Variants in STRADA observed in about 807,000 individuals in gnomAD.
STRADA encodes STE20 related adaptor alpha, also known as STE20-related kinase adapter protein alpha.
A neutral mutation model predicts 55.0 loss-of-function variants in STRADA; 26 were observed. The observed-to-expected ratio is 0.47, with a 90% CI of 0.35 to 0.66. The LOEUF is 0.66. STRADA is among the 30% of genes least tolerant of loss of function. The probability of loss-of-function intolerance (pLI) is 0.01; values close to 1 mark genes in which losing one functional copy is unlikely to be tolerated. For synonymous variants in STRADA, 197 were observed against 210.9 expected (o/e 0.93, Z 0.57); for missense variants, 443 against 549.7 (o/e 0.81, Z 1.94).
At chr17:63,726,012 T>C (rs939891520) in intron 3 of STRADA, 6 of 152,316 alleles carry the variant, frequency 3.9e-5, no homozygotes, top group African/African-American at 1.4e-4. Context: ...AAGAGTATCT[T>C]AGAATTCAGA....
chr17:63,725,274 A>T (rs890689096), intron 3 of STRADA, among the ~76,000 whole-genome samples: 4 of 152,096 alleles, frequency 2.6e-5, no homozygotes, highest in Non-Finnish European at 5.9e-5. Context: ...AAAAAAACCT[A>T]TCTGGGCGTA....
At position 63,707,442 on chromosome 17, in the gene STRADA, T is replaced by G. The variant is rs188028886; in HGVS notation, c.582-24A>C. On this transcript the variant is annotated intron_variant, in intron 8 of 12. Transcript: ENST00000336174. ...TCCTGGGGAAGCGGGGAGGGTGTCA[T>G]GTCGAGAGCAGGAGCCCCTCCTGCT... The G allele has an allele frequency of 3.1e-6, 5 of 1,608,132 alleles. No individual in the cohort carries two copies. The South Asian group carries it at 5.5e-5, about 18-fold the overall frequency.
At chr17:63,724,061 A>T (rs937148106) in intron 3 of STRADA, 5 of 152,240 alleles carry the variant, frequency 3.3e-5, no homozygotes, top group Non-Finnish European at 7.3e-5. Context: ...ATCTTAAATT[A>T]TACAATTCTA....
chr17:63,733,896 T>C (rs555450546), intron 1 of STRADA, among the ~76,000 whole-genome samples: 2 of 152,338 alleles, frequency 1.3e-5, no homozygotes, highest in South Asian at 4.1e-4. Context: ...GTCACTCTAC[T>C]GGGGAGGATC....
chr17:63,710,794 C>G lies in STRADA; in HGVS notation c.391G>C (p.Val131Leu), dbSNP rs756995943. The G allele has an allele frequency of 1.2e-6, 2 of 1,613,978 alleles. No homozygotes were observed. Among genetic ancestry groups the G allele is most frequent in the Admixed American group, 1.7e-5 (1 of 60,008 alleles). Residue 131 changes from valine to leucine, a missense_variant, in exon 7 of 13, where the codon GTG (valine) becomes CTG (leucine). Coordinates refer to ENST00000336174, the MANE Select transcript of STRADA (RefSeq NM_001003787.4). ...GCAATAAAAGTGGCTCGATATGGCA[C>G]GATATTGGGATGGTTGAAGAGTTTG... ...VSKLFNHPNIVPYRATFIADN... is the reference protein window; with the variant it reads ...VSKLFNHPNILPYRATFIADN...
At position 63,730,983 on chromosome 17, in the gene STRADA, G is replaced by A. The variant is rs138486463; in HGVS notation, c.-44-2570C>T. ...TTTTTTTGAGATGGAGTCTCGCTCT[G>A]TTGCCAGGCTGGAGTGCAGCGGTGA... On this transcript the variant is annotated intron_variant, in intron 1 of 12. Coordinates refer to ENST00000336174, the MANE Select transcript of STRADA (RefSeq NM_001003787.4). Among the ~76,000 whole-genome samples, 36 of 151,328 alleles carry A rather than the reference G, an allele frequency of 2.4e-4. 1 individual carries two copies. In the East Asian group the frequency reaches 7.2e-3, roughly 30 times the overall value.
At chr17:63,725,390 C>A (rs186254398) in intron 3 of STRADA, among the ~76,000 whole-genome samples, 2 of 151,904 alleles carry the variant, frequency 1.3e-5, no homozygotes, top group Non-Finnish European at 2.9e-5. Context: ...CTTGCTCTGT[C>A]GCCCAGGCTG....
At chr17:63,707,581 A>T in intron 8 of STRADA, 163 bp from the exon 9 acceptor site, 3 of 673,632 alleles carry the variant, frequency 4.5e-6, no homozygotes, top group Non-Finnish European at 7.4e-6. Context: ...TTTCATTGAG[A>T]TAAGAGTCTC....
At chr17:63,727,388 T>A (rs2037734253) in intron 2 of STRADA, 1 of 152,282 alleles carries the variant, frequency 6.6e-6, no homozygotes. Context: ...TAAGGACTGG[T>A]GTTACACTTT....
At chr17:63,707,534 A>C in intron 8 of STRADA, 116 bp from the exon 9 acceptor site, 1 of 908,356 alleles carries the variant, frequency 1.1e-6, no homozygotes, top group Non-Finnish European at 1.7e-6. Context: ...TTATACACGT[A>C]TATGTGTATT....
chr17:63,738,340 CAAAAAAA>C (rs561180973), intron 1 of STRADA, among the ~76,000 whole-genome samples: 1 of 76,790 alleles, frequency 1.3e-5, no homozygotes, highest in East Asian at 5.7e-4. Flanking sequence ...GACTCCGACT[CAAAAAAA>C]AAAAAAAAAA....
At chr17:63,738,305 C>T (rs2038599944) in intron 1 of STRADA, among the ~76,000 whole-genome samples, 1 of 141,214 alleles carries the variant, frequency 7.1e-6, no homozygotes, top group Admixed American at 7.4e-5. Flanking sequence ...TACACCACTG[C>T]ACTCCAGCCT....
chr17:63,728,480 A>C, intron 1 of STRADA, 67 bp from the exon 2 acceptor site: 1 of 855,682 alleles, frequency 1.2e-6, no homozygotes, highest in Non-Finnish European at 1.8e-6. Flanking sequence ...CTTCTGATTA[A>C]CAAAAACTTA....
intron 1 of STRADA, among the ~76,000 whole-genome samples, chr17:63,734,437 G>T (rs1426671124): frequency 1.3e-5 from 2 of 152,054 alleles, no homozygotes; most frequent in African/African-American, 4.8e-5. Flanking sequence ...GAGGTCAGGG[G>T]TTAGAGGCCA....
At chr17:63,726,554 C>T in intron 3 of STRADA, 84 bp downstream of exon 3, 15 of 1,334,720 alleles carry the variant, frequency 1.1e-5, no homozygotes, top group Non-Finnish European at 1.5e-5. Context: ...TTAGAATTGC[C>T]AATTGCTATA....
chr17:63,736,836 ACG>A (rs1491517295), intron 1 of STRADA, among the ~76,000 whole-genome samples: 1,639 of 56,050 alleles, frequency 0.029, 69 homozygotes, highest in African/African-American at 0.11. Context: ...TCTTCCCCCC[ACG>A]CCCCCCCCAC....
chr17:63,727,443 G>A (rs2037736557), intron 2 of STRADA: 1 of 152,168 alleles, frequency 6.6e-6, no homozygotes, highest in Non-Finnish European at 1.5e-5. Context: ...AGGCTATGGA[G>A]AGATTCCTTT....
chr17:63,732,032 T>A (rs562047216), intron 1 of STRADA, among the ~76,000 whole-genome samples: 56 of 148,434 alleles, frequency 3.8e-4, no homozygotes, highest in African/African-American at 1.3e-3. Context: ...ACCCGGCTAA[T>A]TTTTTTTTTG....
chr17:63,727,452 T>G (rs2037736975), intron 2 of STRADA: 1 of 152,206 alleles, frequency 6.6e-6, no homozygotes, highest in Non-Finnish European at 1.5e-5. Flanking sequence ...AGAGATTCCT[T>G]TTTTCCTCTT....
Sources: gnomAD v4.1 joint callset for allele counts (sites outside exome capture counted in the v4.1 genomes callset) on GRCh38, gnomAD v4.1.1 for gene constraint, MANE v1.5 for transcripts, NCBI Gene and HGNC (gene_info 2026-07-23, HGNC 2026-07-21) for gene names.